EPHA6: variants seen among roughly 807,000 people sequenced by gnomAD.
EPHA6 encodes the protein EPH receptor A6, also known as ephrin type-A receptor 6.
A neutral mutation model predicts 112.0 loss-of-function variants in EPHA6; 50 were observed. That is an observed-to-expected ratio of 0.45 (90% confidence interval 0.36 to 0.56). The LOEUF (loss-of-function observed/expected upper bound fraction) is 0.56. Ranked by LOEUF, EPHA6 falls within the 20% of genes least tolerant of loss-of-function variation. The probability of loss-of-function intolerance (pLI) is 0.00; values close to 1 mark genes in which losing one functional copy is unlikely to be tolerated. For synonymous variants in EPHA6, 529 were observed against 490.7 expected, an observed-to-expected ratio of 1.08 and a Z score of -1.03; for missense variants, 1,280 against 1,417.4, an observed-to-expected ratio of 0.90 and a Z score of 1.56.
At chr3:97,255,521 G>A (rs750838771) in intron 5 of EPHA6, among the ~76,000 whole-genome samples, 2 of 152,062 alleles carry the variant, frequency 1.3e-5, no homozygotes, top group Admixed American at 6.5e-5. Context: ...TAAAATCTGT[G>A]CCTTTTTAAA....
chr3:97,332,518 C>G (rs1289080157), intron 5 of EPHA6, among the ~76,000 whole-genome samples: 1 of 152,150 alleles, frequency 6.6e-6, no homozygotes, highest in Non-Finnish European at 1.5e-5. Flanking sequence ...CCCATCGTCT[C>G]AGCCCAAAAT....
intron 6 of EPHA6, among the ~76,000 whole-genome samples, chr3:97,428,672 T>C (rs566719024): frequency 3.9e-5 from 6 of 152,222 alleles, no homozygotes; most frequent in South Asian, 4.1e-4. Context: ...ACGAGGAGAG[T>C]GTTCTCCCTT....
At chr3:96,964,178 C>T (rs2042041883) in intron 2 of EPHA6, among the ~76,000 whole-genome samples, 3 of 152,024 alleles carry the variant, frequency 2.0e-5, no homozygotes, top group Admixed American at 2.0e-4. Context: ...CAAGTATGCT[C>T]ATTCGTTATT....
chr3:96,903,052 T>C lies in EPHA6; in HGVS notation c.450+36163T>C, dbSNP rs2038705845. ...AAGAAACAAATAAATAAAATACTGA[T>C]ATAAAAGTTATAGACTTATGGTGAA... On this transcript the variant is annotated intron_variant, in intron 2 of 17. Coordinates refer to ENST00000389672, the MANE Select transcript of EPHA6 (RefSeq NM_001080448.3). Among the ~76,000 whole-genome samples the C allele has an allele frequency of 3.9e-5, 6 of 152,290 alleles. No individual in the cohort carries two copies. In the South Asian group the frequency reaches 1.2e-3, roughly 32 times the overall value.
chr3:96,896,789 C>T (rs1411049018), intron 2 of EPHA6, among the ~76,000 whole-genome samples: 1 of 152,100 alleles, frequency 6.6e-6, no homozygotes, highest in East Asian at 1.9e-4. Context: ...CTTCACTTAC[C>T]TATTGGTTAG....
At chr3:96,892,954 A>ATGTG (rs144428670) in intron 2 of EPHA6, among the ~76,000 whole-genome samples, 8,302 of 132,318 alleles carry the variant, frequency 0.063, 356 homozygotes, top group African/African-American at 0.12. Flanking sequence ...ATATATATAT[A>ATGTG]TGTGTGTGTG....
At chr3:97,449,513 C>T (rs1188747967) in intron 7 of EPHA6, among the ~76,000 whole-genome samples, 2 of 151,790 alleles carry the variant, frequency 1.3e-5, no homozygotes, top group East Asian at 3.9e-4. Flanking sequence ...TTATGGATAA[C>T]AATAATAATA....
At chr3:97,268,906 A>T (rs1287492160) in intron 5 of EPHA6, among the ~76,000 whole-genome samples, 1 of 152,198 alleles carries the variant, frequency 6.6e-6, no homozygotes, top group East Asian at 1.9e-4. Flanking sequence ...TTTTCTAAAA[A>T]TTAGCAGTTA....
At chr3:97,441,875 CAG>C (rs2090149784) in intron 6 of EPHA6, among the ~76,000 whole-genome samples, 1 of 151,930 alleles carries the variant, frequency 6.6e-6, no homozygotes, top group Non-Finnish European at 1.5e-5. Flanking sequence ...TTCTAACTAA[CAG>C]AGAGAAAATG....
At chr3:97,111,787 T>C (rs749611641) in intron 3 of EPHA6, among the ~76,000 whole-genome samples, 1 of 152,124 alleles carries the variant, frequency 6.6e-6, no homozygotes. Flanking sequence ...CATTGTTCAA[T>C]ACTCTTCCAC....
chr3:96,953,445 G>A (rs934747768), intron 2 of EPHA6, among the ~76,000 whole-genome samples: 1 of 152,094 alleles, frequency 6.6e-6, no homozygotes, highest in Non-Finnish European at 1.5e-5. Flanking sequence ...TACACAAATA[G>A]TACATTGTAG....
intron 2 of EPHA6, among the ~76,000 whole-genome samples, chr3:96,931,018 A>AAAAG (rs1553733278): frequency 0.51 from 42,850 of 83,964 alleles, 15,179 homozygotes; most frequent in Non-Finnish European, 0.66. Context: ...AAAAAAAAAA[A>AAAAG]AAAGAAAAGC....
chr3:97,287,972 T>A (rs2080531986), intron 5 of EPHA6, among the ~76,000 whole-genome samples: 1 of 151,838 alleles, frequency 6.6e-6, no homozygotes, highest in Non-Finnish European at 1.5e-5. Flanking sequence ...ATACTTTGAA[T>A]AGAATTGGCG....
intron 11 of EPHA6, among the ~76,000 whole-genome samples, chr3:97,544,123 A>G (rs1178346640): frequency 1.3e-5 from 2 of 152,166 alleles, no homozygotes; most frequent in African/African-American, 4.8e-5. Flanking sequence ...AACTTCCAAC[A>G]CTATATTGAA....
At chr3:97,589,954 A>G (rs1362806705) in intron 11 of EPHA6, among the ~76,000 whole-genome samples, 1 of 152,184 alleles carries the variant, frequency 6.6e-6, no homozygotes, top group Non-Finnish European at 1.5e-5. Flanking sequence ...AACTTAAGCA[A>G]TTGGGAAAGC....
intron 3 of EPHA6, among the ~76,000 whole-genome samples, chr3:97,205,559 C>T (rs1576678848): frequency 6.6e-6 from 1 of 152,080 alleles, no homozygotes; most frequent in Middle Eastern, 3.4e-3. Flanking sequence ...AATGGGAAAC[C>T]TATGTAAACA....
chr3:97,054,031 T>C (rs1034043761), intron 3 of EPHA6, among the ~76,000 whole-genome samples: 12 of 151,992 alleles, frequency 7.9e-5, no homozygotes, highest in Admixed American at 5.9e-4. Flanking sequence ...TGTCTGCCTT[T>C]GGCGTCATTC....
intron 3 of EPHA6, among the ~76,000 whole-genome samples, chr3:97,171,411 A>C (rs910023997): frequency 6.6e-6 from 1 of 152,152 alleles, no homozygotes; most frequent in East Asian, 1.9e-4. Context: ...TCTAGGGGGG[A>C]GGAAGAGGGA....
intron 2 of EPHA6, among the ~76,000 whole-genome samples, chr3:96,983,251 G>C (rs950909804): frequency 1.3e-5 from 2 of 152,098 alleles, no homozygotes; most frequent in African/African-American, 4.8e-5. Context: ...AGGCCTGCTG[G>C]TGACAAAAAC....
Sources: gnomAD v4.1 joint callset for allele counts (sites outside exome capture counted in the v4.1 genomes callset) on GRCh38, gnomAD v4.1.1 for gene constraint, MANE v1.5 for transcripts, NCBI Gene and HGNC (gene_info 2026-07-23, HGNC 2026-07-21) for gene names.